Variants in SLCO6A1 observed in about 807,000 individuals in gnomAD.
SLCO6A1 encodes cancer/testis antigen 48.
SLCO6A1 carries 65 observed loss-of-function variants against 72.7 expected under a neutral mutation model. That is an observed-to-expected ratio of 0.89 (90% CI 0.73 to 1.10). SLCO6A1 has a LOEUF of 1.10. Ranked by LOEUF, SLCO6A1 falls within the 50% of genes least tolerant of loss-of-function variation. The pLI is 0.00. For synonymous variants in SLCO6A1, 314 were observed against 298.2 expected, an observed-to-expected ratio of 1.05 and a Z score of -0.55; for missense variants, 874 against 872.6, an observed-to-expected ratio of 1.00 and a Z score of -0.02.
chr5:102,491,460 G>T (rs1474947932), intron 1 of SLCO6A1, among the ~76,000 whole-genome samples: 2 of 152,220 alleles, frequency 1.3e-5, no homozygotes, highest in Non-Finnish European at 2.9e-5. Context: ...CGTTGGGGAG[G>T]CTTGGGCCAC....
chr5:102,426,078 G>A (rs1748876082), intron 7 of SLCO6A1, among the ~76,000 whole-genome samples: 1 of 152,162 alleles, frequency 6.6e-6, no homozygotes, highest in Admixed American at 6.5e-5. Flanking sequence ...GCAGAAAACT[G>A]AAACTGGACC....
At chr5:102,391,524 G>A (rs531403962) in intron 10 of SLCO6A1, among the ~76,000 whole-genome samples, 1 of 152,106 alleles carries the variant, frequency 6.6e-6, no homozygotes, top group East Asian at 1.9e-4. Flanking sequence ...TTCTGAATGA[G>A]TGAGGAAAGT....
intron 12 of SLCO6A1, among the ~76,000 whole-genome samples, chr5:102,378,667 T>C (rs1745936769): frequency 1.3e-5 from 2 of 152,214 alleles, no homozygotes; most frequent in African/African-American, 4.8e-5. Context: ...ATAATGTTTG[T>C]GTGATTCATC....
At chr5:102,438,859 C>T in intron 6 of SLCO6A1, 98 bp from the exon 7 acceptor site, 1 of 771,742 alleles carries the variant, frequency 1.3e-6, no homozygotes. Flanking sequence ...AAAAATTTAC[C>T]ATTCCCAATC....
At chr5:102,388,917 CTCA>C in intron 11 of SLCO6A1, 92 bp from the exon 12 acceptor site, 1 of 1,095,566 alleles carries the variant, frequency 9.1e-7, no homozygotes, top group South Asian at 1.7e-5. Context: ...TGAATGACGA[CTCA>C]TCATTCAAAA....
At chr5:102,392,830 C>A (rs1746841213) in intron 10 of SLCO6A1, among the ~76,000 whole-genome samples, 1 of 151,854 alleles carries the variant, frequency 6.6e-6, no homozygotes, top group Admixed American at 6.6e-5. Context: ...TATATGGCCT[C>A]TAAATTTATA....
At chr5:102,426,299 C>G (rs1748888354) in intron 7 of SLCO6A1, among the ~76,000 whole-genome samples, 1 of 152,136 alleles carries the variant, frequency 6.6e-6, no homozygotes, top group Non-Finnish European at 1.5e-5. Context: ...AGCTTCTGCA[C>G]AGCAAAAGAA....
chr5:102,469,620 T>A (rs181638410), intron 4 of SLCO6A1, among the ~76,000 whole-genome samples: 142 of 152,294 alleles, frequency 9.3e-4, no homozygotes, highest in African/African-American at 3.1e-3. Context: ...ACAATTTGAA[T>A]TCCTCTTTTT....
At chr5:102,442,935 C>A (rs937053436) in intron 6 of SLCO6A1, among the ~76,000 whole-genome samples, 3 of 152,104 alleles carry the variant, frequency 2.0e-5, no homozygotes, top group Non-Finnish European at 4.4e-5. Flanking sequence ...CAGTGGCTCA[C>A]GCCTGTAATC....
chr5:102,437,572 G>T (rs974300636), intron 7 of SLCO6A1, among the ~76,000 whole-genome samples: 15 of 151,970 alleles, frequency 9.9e-5, no homozygotes, highest in Non-Finnish European at 2.1e-4. Context: ...CCCCAAACCT[G>T]GTGTGCTCAT....
At chr5:102,390,447 G>T (rs770535372) in intron 11 of SLCO6A1, among the ~76,000 whole-genome samples, 2 of 152,008 alleles carry the variant, frequency 1.3e-5, no homozygotes, top group Non-Finnish European at 2.9e-5. Flanking sequence ...TTTAATCCAA[G>T]AATTTAGTAA....
chr5:102,411,149 T>G (rs1156881302), intron 9 of SLCO6A1, among the ~76,000 whole-genome samples: 1 of 152,146 alleles, frequency 6.6e-6, no homozygotes, highest in Non-Finnish European at 1.5e-5. Flanking sequence ...TTCGTTCAAC[T>G]TTGCTATGGC....
At chr5:102,456,506 C>T (rs1750724387) in intron 6 of SLCO6A1, among the ~76,000 whole-genome samples, 1 of 152,126 alleles carries the variant, frequency 6.6e-6, no homozygotes, top group Admixed American at 6.6e-5. Flanking sequence ...TTCACAATTG[C>T]TTCAGAGAGA....
At chr5:102,486,625 A>C (rs1752452284) in intron 1 of SLCO6A1, among the ~76,000 whole-genome samples, 1 of 152,150 alleles carries the variant, frequency 6.6e-6, no homozygotes, top group African/African-American at 2.4e-5. Context: ...GTATTAATAC[A>C]TAAAAACTTG....
intron 10 of SLCO6A1, among the ~76,000 whole-genome samples, chr5:102,391,509 G>A (rs1746758235): frequency 6.6e-6 from 1 of 152,072 alleles, no homozygotes; most frequent in Non-Finnish European, 1.5e-5. Context: ...TACTGATTGG[G>A]ACACTTCTGA....
chr5:102,497,786 C>A lies in SLCO6A1; in HGVS notation c.358+701G>T, dbSNP rs140758269. On this transcript the variant is annotated intron_variant, in intron 1 of 13. Coordinates refer to ENST00000506729, the MANE Select transcript of SLCO6A1 (RefSeq NM_173488.5). ...TAATAGCTCTTTTCTGAAAAGATCC[C>A]CTTGTTGCCTGGGGACTAATCTGCC... Among the ~76,000 whole-genome samples the A allele has an allele frequency of 7.5e-4, 114 of 152,276 alleles. 3 individuals are homozygous for A. The East Asian group carries it at 0.021, about 28-fold the overall frequency.
chr5:102,441,814 C>T (rs1371600166), intron 6 of SLCO6A1, among the ~76,000 whole-genome samples: 2 of 151,478 alleles, frequency 1.3e-5, no homozygotes, highest in East Asian at 1.9e-4. Context: ...TTTTACTTTA[C>T]TTTTACTTTA....
intron 1 of SLCO6A1, among the ~76,000 whole-genome samples, chr5:102,494,047 C>G (rs187636504): frequency 6.6e-6 from 1 of 151,966 alleles, no homozygotes; most frequent in Non-Finnish European, 1.5e-5. Flanking sequence ...AATAAAGCTA[C>G]AGTAACCAAT....
chr5:102,454,147 C>T (rs1249328262), intron 6 of SLCO6A1, among the ~76,000 whole-genome samples: 1 of 152,174 alleles, frequency 6.6e-6, no homozygotes, highest in Non-Finnish European at 1.5e-5. Flanking sequence ...AGACTGGCCA[C>T]CAATATTGTA....
Sources: allele counts gnomAD v4.1 joint callset (sites outside exome capture counted in the v4.1 genomes callset), GRCh38; gene constraint gnomAD v4.1.1; transcripts MANE v1.5; gene names NCBI Gene and HGNC (gene_info 2026-07-23, HGNC 2026-07-21).